MYH16: variants seen among roughly 807,000 people sequenced by gnomAD.
MYH16 encodes putative uncharacterized protein MYH16.
At chr7:99,260,545 TG>T in intron 12 of MYH16, 1 of 289,932 alleles carries the variant, frequency 3.4e-6, no homozygotes, top group Middle Eastern at 1.2e-3. Flanking sequence ...CACCATTCAT[TG>T]GATCATCACA....
exon 12 of MYH16, chr7:99,260,265 G>T: frequency 6.3e-7 from 1 of 1,598,048 alleles, no homozygotes; most frequent in Non-Finnish European, 8.6e-7. Flanking sequence ...AGTACAAGAG[G>T]GAAGGCATCG....
chr7:99,299,498 A>G (rs1455231024), exon 37 of MYH16: 3 of 153,184 alleles, frequency 2.0e-5, no homozygotes, highest in African/African-American at 4.8e-5. Context: ...GAGTCCTTGC[A>G]GGCCAGCCTA....
chr7:99,275,205 C>A (rs1478428486), intron 20 of MYH16, among the ~76,000 whole-genome samples: 1 of 151,990 alleles, frequency 6.6e-6, no homozygotes, highest in East Asian at 1.9e-4. Flanking sequence ...GCTATGTTGC[C>A]CAGGCTGGTC....
chr7:99,283,225 T>C (rs1396669332), intron 23 of MYH16, among the ~76,000 whole-genome samples: 1 of 152,094 alleles, frequency 6.6e-6, no homozygotes. Context: ...GTCTCCTGAG[T>C]GGCTGGCACT....
chr7:99,288,013 C>T, exon 29 of MYH16: 1 of 456,742 alleles, frequency 2.2e-6, no homozygotes, highest in Non-Finnish European at 4.4e-6. Flanking sequence ...GACTCCATGG[C>T]CGAGCTGACG....
At chr7:99,248,617 A>T (rs1791766186) in intron 3 of MYH16, among the ~76,000 whole-genome samples, 1 of 151,866 alleles carries the variant, frequency 6.6e-6, no homozygotes, top group African/African-American at 2.4e-5. Flanking sequence ...GCAGGTCTTA[A>T]ACTCCTGGGC....
At chr7:99,302,410 C>A (rs1209902970) in intron 38 of MYH16, among the ~76,000 whole-genome samples, 1 of 146,118 alleles carries the variant, frequency 6.8e-6, no homozygotes. Flanking sequence ...ACTAAAAATA[C>A]AATAATTAGC....
At chr7:99,294,722 GC>G (rs1162469835) in intron 33 of MYH16, among the ~76,000 whole-genome samples, 3 of 150,268 alleles carry the variant, frequency 2.0e-5, no homozygotes, top group African/African-American at 7.5e-5. Flanking sequence ...CCACCACCAC[GC>G]CCAGCTAATT....
chr7:99,286,699 C>G (rs1792283100), intron 28 of MYH16, among the ~76,000 whole-genome samples: 1 of 152,100 alleles, frequency 6.6e-6, no homozygotes, highest in African/African-American at 2.4e-5. Flanking sequence ...TGGCTCACGC[C>G]TGTAATCCCA....
chr7:99,287,520 T>G (rs1792295511), intron 28 of MYH16, among the ~76,000 whole-genome samples: 3 of 107,900 alleles, frequency 2.8e-5, no homozygotes, highest in Non-Finnish European at 5.3e-5. Flanking sequence ...GCAACAAGAG[T>G]GAAACTTCTT....
At chr7:99,247,843 C>A (rs560052785) in intron 3 of MYH16, 18 of 152,706 alleles carry the variant, frequency 1.2e-4, no homozygotes, top group African/African-American at 4.3e-4. Context: ...CCTTGTGATA[C>A]CCGATCCTAA....
At chr7:99,268,706 C>A (rs568781694) in intron 18 of MYH16, among the ~76,000 whole-genome samples, 23 of 152,344 alleles carry the variant, frequency 1.5e-4, no homozygotes, top group African/African-American at 5.5e-4. Context: ...GGGCCCCACC[C>A]CCAGCCACAT....
chr7:99,291,369 G>A (rs1402308598), exon 31 of MYH16: 7 of 456,548 alleles, frequency 1.5e-5, no homozygotes, highest in Non-Finnish European at 3.1e-5. Flanking sequence ...CCCAGAGCCG[G>A]CTCAATCAAA....
At chr7:99,268,347 A>G (rs1386258405) in intron 18 of MYH16, among the ~76,000 whole-genome samples, 1 of 152,178 alleles carries the variant, frequency 6.6e-6, no homozygotes, top group East Asian at 1.9e-4. Flanking sequence ...AAACTTAAGA[A>G]AGCCTGGAGA....
At chr7:99,256,418 A>T (rs932655463) in intron 9 of MYH16, among the ~76,000 whole-genome samples, 1 of 152,020 alleles carries the variant, frequency 6.6e-6, no homozygotes. Context: ...ACAATCAGCC[A>T]TGATCATGCC....
intron 14 of MYH16, among the ~76,000 whole-genome samples, chr7:99,263,986 C>T (rs553541798): frequency 5.9e-5 from 9 of 152,298 alleles, no homozygotes; most frequent in African/African-American, 2.2e-4. Flanking sequence ...AAAATGGGAG[C>T]AGTTTGTCAC....
rs61745713 is a variant in MYH16 at position 99,288,000 on chromosome 7, G to A, written n.3569G>A. On this transcript the variant is annotated non_coding_transcript_exon_variant, in exon 29 of 42. Transcript: ENST00000439784. ...GGCCTCCACACTGCGCAAGAAGCAC[G>A]TGGACTCCATGGCCGAGCTGACGGA... 1,201 of 456,760 alleles carry A rather than the reference G, an allele frequency of 2.6e-3. 14 individuals are homozygous for A. Among genetic ancestry groups the A allele is most frequent in the African/African-American group, 0.017 (846 of 50,198 alleles). 28.3% of individuals were successfully genotyped at this position (456,760 alleles called of 1,614,324 possible).
chr7:99,240,839 C>CA (rs5886099), intron 1 of MYH16, among the ~76,000 whole-genome samples: 103,339 of 143,970 alleles, frequency 0.72, 38,747 homozygotes, highest in Non-Finnish European at 0.85. Flanking sequence ...AACCTTGTCT[C>CA]AAAAAAAAAA....
chr7:99,245,411 A>G (rs1791715978), intron 2 of MYH16, among the ~76,000 whole-genome samples: 1 of 152,202 alleles, frequency 6.6e-6, no homozygotes, highest in Non-Finnish European at 1.5e-5. Context: ...TTAGAGGTCA[A>G]TGTGACTGTC....
Sources: allele counts gnomAD v4.1 joint callset (sites outside exome capture counted in the v4.1 genomes callset), GRCh38; gene constraint gnomAD v4.1.1; transcripts MANE v1.5; gene names NCBI Gene and HGNC (gene_info 2026-07-23, HGNC 2026-07-21).